The following ATG5 variants were observed in gnomAD, a reference collection of about 807,000 sequenced individuals.
ATG5 encodes autophagy related 5, also known as autophagy protein 5.
A neutral mutation model predicts 36.5 loss-of-function variants in ATG5; 14 were observed. The ratio of observed to expected loss-of-function variants is 0.38; its 90% CI spans 0.25 to 0.60. ATG5 has a LOEUF of 0.60. Ranked by LOEUF, ATG5 falls within the 20% of genes least tolerant of loss-of-function variation. The pLI, the probability that ATG5 is intolerant of heterozygous loss-of-function variation, is 0.60. For synonymous variants in ATG5, 95 were observed against 101.5 expected (o/e 0.94, Z 0.38); for missense variants, 195 against 326.7 (o/e 0.60, Z 3.11).
chr6:106,282,724 T>G (rs1046906892), intron 4 of ATG5, among the ~76,000 whole-genome samples: 1 of 152,212 alleles, frequency 6.6e-6, no homozygotes, highest in Non-Finnish European at 1.5e-5. Context: ...CGTATTAAAT[T>G]CTGTCCATGA....
intron 6 of ATG5, among the ~76,000 whole-genome samples, chr6:106,214,638 T>G (rs1776973051): frequency 6.6e-6 from 1 of 152,214 alleles, no homozygotes; most frequent in Non-Finnish European, 1.5e-5. Flanking sequence ...ATTATAATTC[T>G]GTCTAGACAG....
rs1426327348 is a variant in ATG5, at chr6:106,237,876, A to G, written c.573+10274T>C. ...GAGGCATTGTGAGGAGCATAAAGAC[A>G]TAAGCACAGTACAGAGCCTTAGCTT... On this transcript the variant is annotated intron_variant, in intron 6 of 7. Transcript: ENST00000369076. 3.2e-4 allele frequency among the ~76,000 whole-genome samples: 49 copies of G among 152,236 alleles called. 1 individual carries two copies. Among genetic ancestry groups the G allele is most frequent in the Non-Finnish European group, 2.4e-4 (16 of 68,042 alleles).
intron 5 of ATG5, among the ~76,000 whole-genome samples, chr6:106,261,157 C>T (rs1320147720): frequency 6.6e-6 from 1 of 152,090 alleles, no homozygotes; most frequent in Admixed American, 6.6e-5. Flanking sequence ...ATCAAGTGAG[C>T]TAGAGCTGAA....
chr6:106,243,904 C>CT (rs35701133), intron 6 of ATG5, among the ~76,000 whole-genome samples: 3,325 of 54,944 alleles, frequency 0.061, 160 homozygotes, highest in Admixed American at 0.13. Context: ...AGGAACCATC[C>CT]TTTTTTTTTT....
chr6:106,239,983 T>C (rs1336261685), intron 6 of ATG5, among the ~76,000 whole-genome samples: 3 of 151,918 alleles, frequency 2.0e-5, no homozygotes, highest in African/African-American at 7.2e-5. Context: ...ACACAACACA[T>C]TGTGGGAAAG....
At chr6:106,240,572 G>C (rs1778082577) in intron 6 of ATG5, among the ~76,000 whole-genome samples, 1 of 151,782 alleles carries the variant, frequency 6.6e-6, no homozygotes, top group South Asian at 2.1e-4. Context: ...GAGTTATAAT[G>C]CCCTATTGCT....
At chr6:106,305,859 C>A (rs922453189) in intron 3 of ATG5, among the ~76,000 whole-genome samples, 1 of 152,160 alleles carries the variant, frequency 6.6e-6, no homozygotes, top group Non-Finnish European at 1.5e-5. Context: ...TGAGAGAAAA[C>A]TGCTATTACT....
chr6:106,202,870 C>T (rs1776485885), intron 6 of ATG5, among the ~76,000 whole-genome samples: 1 of 152,066 alleles, frequency 6.6e-6, no homozygotes, highest in Admixed American at 6.5e-5. Context: ...ACCATGTTGC[C>T]CAGGCTGGTC....
At chr6:106,316,749 T>C (rs1435966488) in intron 1 of ATG5, among the ~76,000 whole-genome samples, 1 of 152,192 alleles carries the variant, frequency 6.6e-6, no homozygotes, top group Non-Finnish European at 1.5e-5. Context: ...AAAATATCTC[T>C]TTCACATTGG....
At chr6:106,288,346 G>C (rs775160006) in intron 4 of ATG5, among the ~76,000 whole-genome samples, 1 of 152,068 alleles carries the variant, frequency 6.6e-6, no homozygotes, top group Non-Finnish European at 1.5e-5. Flanking sequence ...TAATTTTCTT[G>C]GTAGTCTCAC....
intron 5 of ATG5, among the ~76,000 whole-genome samples, chr6:106,263,044 T>G (rs1415043271): frequency 6.6e-6 from 1 of 152,192 alleles, no homozygotes; most frequent in African/African-American, 2.4e-5. Context: ...TCAAGTGGTC[T>G]CGCTCAGTGG....
At chr6:106,231,606 G>A (rs1439707938) in intron 6 of ATG5, among the ~76,000 whole-genome samples, 1 of 152,156 alleles carries the variant, frequency 6.6e-6, no homozygotes, top group African/African-American at 2.4e-5. Flanking sequence ...CCGCCTTTCT[G>A]GAGTGACTAA....
intron 7 of ATG5, among the ~76,000 whole-genome samples, chr6:106,188,558 C>T (rs915410088): frequency 6.6e-6 from 1 of 152,176 alleles, no homozygotes; most frequent in Non-Finnish European, 1.5e-5. Context: ...AAACAATCCA[C>T]TGATGATGCA....
intron 5 of ATG5, among the ~76,000 whole-genome samples, chr6:106,262,968 T>C (rs1779086831): frequency 6.6e-6 from 1 of 152,192 alleles, no homozygotes; most frequent in South Asian, 2.1e-4. Flanking sequence ...CGTACTTCAG[T>C]GGCGCCTGGA....
At chr6:106,263,421 C>A (rs906224148) in intron 5 of ATG5, among the ~76,000 whole-genome samples, 1 of 152,174 alleles carries the variant, frequency 6.6e-6, no homozygotes, top group Non-Finnish European at 1.5e-5. Flanking sequence ...GCAGCTCCAG[C>A]GGATTTAATC....
At chr6:106,187,486 TCCTCTAATG>T in intron 7 of ATG5, among the ~76,000 whole-genome samples, 1 of 151,648 alleles carries the variant, frequency 6.6e-6, no homozygotes. Flanking sequence ...AAAGCCAAAC[TCCTCTAATG>T]AAAAAGAAAA....
chr6:106,315,551 TTAAA>T (rs1466333954), intron 2 of ATG5, among the ~76,000 whole-genome samples: 1 of 151,928 alleles, frequency 6.6e-6, no homozygotes, highest in African/African-American at 2.4e-5. Context: ...ATAATATATA[TTAAA>T]TATATATTAC....
intron 6 of ATG5, among the ~76,000 whole-genome samples, chr6:106,207,363 T>C (rs911583409): frequency 6.6e-6 from 1 of 152,210 alleles, no homozygotes; most frequent in Non-Finnish European, 1.5e-5. Context: ...ATGTATTTTC[T>C]TAAATAGTTC....
At position 106,266,152 on chromosome 6, in the gene ATG5, T is replaced by C. The variant is rs1485962208; in HGVS notation, c.478+13509A>G. On this transcript the variant is annotated intron_variant, in intron 5 of 7. Coordinates refer to ENST00000369076, the MANE Select transcript of ATG5 (RefSeq NM_004849.4). ...AGAATCAAATAGACACAATAAAAAA[T>C]GATAAAGGGGATATCATCACTGATC... Among the ~76,000 whole-genome samples the C allele has an allele frequency of 2.0e-5, 3 of 151,672 alleles. No homozygotes were observed. The South Asian group carries it at 6.2e-4, about 32-fold the overall frequency.
Sources: allele counts gnomAD v4.1 joint callset (sites outside exome capture counted in the v4.1 genomes callset), GRCh38; gene constraint gnomAD v4.1.1; transcripts MANE v1.5; gene names NCBI Gene and HGNC (gene_info 2026-07-23, HGNC 2026-07-21).